Variants in ENTREP2 observed in about 807,000 individuals in gnomAD.
The protein encoded by ENTREP2 is endosomal transmembrane epsin interactor 2, also known as protein ENTREP2.
At chr15:29,599,715 A>G in the ENTREP2 span, among the ~76,000 whole-genome samples, 1 of 152,238 alleles carries the variant, frequency 6.6e-6, no homozygotes, top group Non-Finnish European at 1.5e-5. Flanking sequence ...GATCAGGCAC[A>G]GGGGCAGGCC....
the ENTREP2 span, among the ~76,000 whole-genome samples, chr15:29,177,341 C>T: frequency 4.6e-5 from 7 of 152,182 alleles, no homozygotes; most frequent in Non-Finnish European, 1.0e-4. Context: ...CACTGAACAG[C>T]AAGACTGCAC....
chr15:29,565,612 T>C, the ENTREP2 span, among the ~76,000 whole-genome samples: 1 of 152,178 alleles, frequency 6.6e-6, no homozygotes, highest in African/African-American at 2.4e-5. Context: ...TTAAAAGAAG[T>C]TACAGAGTAA....
chr15:29,672,769 G>A, the ENTREP2 span, among the ~76,000 whole-genome samples: 2 of 152,210 alleles, frequency 1.3e-5, no homozygotes, highest in South Asian at 2.1e-4. Context: ...TGGTGGGTTG[G>A]GGGGGTTGGA....
At chr15:29,362,065 G>C in the ENTREP2 span, among the ~76,000 whole-genome samples, 1 of 152,076 alleles carries the variant, frequency 6.6e-6, no homozygotes, top group Admixed American at 6.6e-5. Context: ...ACAGACTCTG[G>C]GACTCCATCC....
the ENTREP2 span, among the ~76,000 whole-genome samples, chr15:29,210,222 G>A: frequency 2.6e-5 from 4 of 152,118 alleles, no homozygotes; most frequent in Admixed American, 6.5e-5. Context: ...TCATCCCAGG[G>A]CCAGGTAAGG....
chr15:29,519,468 A>G, the ENTREP2 span, among the ~76,000 whole-genome samples: 1 of 152,022 alleles, frequency 6.6e-6, no homozygotes, highest in Non-Finnish European at 1.5e-5. Flanking sequence ...ACTACAACAA[A>G]GATGAAGACC....
At chr15:29,205,023 C>G in the ENTREP2 span, among the ~76,000 whole-genome samples, 2 of 152,172 alleles carry the variant, frequency 1.3e-5, no homozygotes, top group Non-Finnish European at 2.9e-5. Context: ...TCTACTTTCT[C>G]TCTCTGTGGA....
At chr15:29,665,457 C>T in the ENTREP2 span, among the ~76,000 whole-genome samples, 1 of 152,218 alleles carries the variant, frequency 6.6e-6, no homozygotes, top group African/African-American at 2.4e-5. Flanking sequence ...GGGTAGCAGA[C>T]ATCAATCGCT....
At chr15:29,534,500 T>C in the ENTREP2 span, among the ~76,000 whole-genome samples, 6 of 152,250 alleles carry the variant, frequency 3.9e-5, no homozygotes, top group Admixed American at 3.3e-4. Context: ...CAAACAAGTA[T>C]ACTTCTTAAA....
chr15:29,576,965 A>T, the ENTREP2 span, among the ~76,000 whole-genome samples: 1,140 of 152,050 alleles, frequency 7.5e-3, 12 homozygotes, highest in African/African-American at 0.026. Flanking sequence ...CCGCCACCGC[A>T]CCCGCTAATT....
At chr15:29,373,838 C>T in the ENTREP2 span, 3 of 151,908 alleles carry the variant, frequency 2.0e-5, no homozygotes, top group African/African-American at 7.3e-5. Context: ...TAATATGCAA[C>T]TGTTTAAAAC....
chr15:29,620,322 G>C, the ENTREP2 span, among the ~76,000 whole-genome samples: 7 of 152,048 alleles, frequency 4.6e-5, no homozygotes, highest in Non-Finnish European at 8.8e-5. Context: ...GGGAGAAACC[G>C]GGGGGAAGTG....
chr15:29,229,983 CCTT>C, the ENTREP2 span, among the ~76,000 whole-genome samples: 1 of 152,034 alleles, frequency 6.6e-6, no homozygotes, highest in East Asian at 1.9e-4. Flanking sequence ...ATCTCACATA[CCTT>C]CTTCTCCCCT....
chr15:29,228,265 G>A, the ENTREP2 span, among the ~76,000 whole-genome samples: 2 of 152,160 alleles, frequency 1.3e-5, no homozygotes, highest in African/African-American at 2.4e-5. Flanking sequence ...GTTGCAGTGA[G>A]CCAAGATCAC....
the ENTREP2 span, among the ~76,000 whole-genome samples, chr15:29,461,748 C>G: frequency 2.6e-5 from 4 of 152,166 alleles, no homozygotes; most frequent in African/African-American, 9.6e-5. Flanking sequence ...GCTGGGATTA[C>G]AGGCATGAGC....
At chr15:29,553,158 T>C in the ENTREP2 span, among the ~76,000 whole-genome samples, 4 of 152,164 alleles carry the variant, frequency 2.6e-5, no homozygotes, top group East Asian at 1.9e-4. Flanking sequence ...TAGCCACTTA[T>C]GGTGGCACAT....
the ENTREP2 span, among the ~76,000 whole-genome samples, chr15:29,200,910 T>C: frequency 1.3e-5 from 2 of 152,220 alleles, no homozygotes; most frequent in African/African-American, 4.8e-5. Context: ...ATTTACTACA[T>C]TGAATTTTCC....
chr15:29,136,289 G>A, the ENTREP2 span: 2 of 1,403,106 alleles, frequency 1.4e-6, no homozygotes, highest in Non-Finnish European at 9.3e-7. Flanking sequence ...GGTGTGAGGT[G>A]CCTTCCGAGG....
the ENTREP2 span, chr15:29,375,277 T>C: frequency 6.6e-6 from 1 of 152,268 alleles, no homozygotes; most frequent in African/African-American, 2.4e-5. Context: ...CCTAATTTTG[T>C]GACTGGCACT....
Sources: gnomAD v4.1 joint callset for allele counts (sites outside exome capture counted in the v4.1 genomes callset) on GRCh38, gnomAD v4.1.1 for gene constraint, MANE v1.5 for transcripts, NCBI Gene and HGNC (gene_info 2026-07-23, HGNC 2026-07-21) for gene names.